The following CDIN1 variants were observed in gnomAD, a reference collection of about 807,000 sequenced individuals.
CDIN1 encodes the protein CDAN1 interacting nuclease 1, also known as CDAN1-interacting nuclease 1.
In CDIN1, 33 loss-of-function variants were observed where a neutral mutation model predicts 45.3. The observed-to-expected ratio is 0.73, with a 90% confidence interval of 0.55 to 0.97. The LOEUF (loss-of-function observed/expected upper bound fraction) is 0.97. CDIN1 is among the 50% of genes least tolerant of loss of function. CDIN1 has a pLI of 0.00. For synonymous variants in CDIN1, 118 were observed against 124.4 expected (o/e 0.95, Z 0.34); for missense variants, 303 against 339.4 (o/e 0.89, Z 0.84).
chr15:36,777,894 A>G (rs2054260323), intron 10 of CDIN1, among the ~76,000 whole-genome samples: 1 of 152,194 alleles, frequency 6.6e-6, no homozygotes, highest in African/African-American at 2.4e-5. Flanking sequence ...TATAGGCATG[A>G]TCCTGTGTAC....
Position 36,709,901 on chromosome 15 carries a change from T to C in CDIN1, c.656T>C (p.Phe219Ser). 1 of 1,613,396 alleles carries C rather than the reference T, an allele frequency of 6.2e-7. No individual in the cohort carries two copies. ...IIHWIESKAS[F>S]GDECSHHAYL... ...CACTGGATTGAAAGCAAAGCCTCAT[T>C]TGGTGATGAATGTAGCCACCACGCC... is the stretch of plus-strand genomic sequence containing the variant. The change falls in exon 10 of 11, where the codon TTT (phenylalanine) becomes TCT (serine). Residue 219 changes from phenylalanine to serine, a missense_variant. Transcript: ENST00000566621.
chr15:36,750,758 G>A (rs1039960622), intron 10 of CDIN1, among the ~76,000 whole-genome samples: 16 of 152,052 alleles, frequency 1.1e-4, no homozygotes, highest in African/African-American at 2.9e-4. Flanking sequence ...TGCCAGTTCC[G>A]AAACTTTTTA....
intron 1 of CDIN1, among the ~76,000 whole-genome samples, chr15:36,611,496 G>A (rs1013974090): frequency 4.6e-5 from 7 of 152,164 alleles, no homozygotes; most frequent in Non-Finnish European, 8.8e-5. Flanking sequence ...AATGAAGAAA[G>A]ACTGAGAAGG....
intron 10 of CDIN1, among the ~76,000 whole-genome samples, chr15:36,723,618 T>G (rs1840089): frequency 0.52 from 78,561 of 152,012 alleles, 20,826 homozygotes; most frequent in East Asian, 0.66. Context: ...CAGGCTAGAA[T>G]GAAGTGGGCA....
chr15:36,807,225 G>A (rs1418651844), intron 10 of CDIN1, among the ~76,000 whole-genome samples: 1 of 152,144 alleles, frequency 6.6e-6, no homozygotes, highest in Admixed American at 6.5e-5. Context: ...GTTTTGGCAA[G>A]TACACTACAG....
chr15:36,682,729 C>T (rs2140632924), intron 5 of CDIN1, among the ~76,000 whole-genome samples: 1 of 141,340 alleles, frequency 7.1e-6, no homozygotes, highest in East Asian at 2.1e-4. Flanking sequence ...GAGATCACAC[C>T]ACTGCACTCC....
intron 10 of CDIN1, among the ~76,000 whole-genome samples, chr15:36,782,301 G>A (rs1267550034): frequency 6.6e-6 from 1 of 152,030 alleles, no homozygotes; most frequent in Non-Finnish European, 1.5e-5. Flanking sequence ...CAAAAGGTGG[G>A]GGTTTATTCC....
At chr15:36,765,065 T>C (rs1182086395) in intron 10 of CDIN1, among the ~76,000 whole-genome samples, 2 of 149,170 alleles carry the variant, frequency 1.3e-5, no homozygotes, top group Admixed American at 6.7e-5. Flanking sequence ...TTCTTTCTTT[T>C]TTTTTTTTTA....
rs143984559 is a variant in CDIN1 at position 36,710,506 on chromosome 15, G to A, written c.716+545G>A. 3.7e-3 allele frequency among the ~76,000 whole-genome samples: 566 copies of A among 152,168 alleles called. 2 individuals are homozygous for A. Among genetic ancestry groups the A allele is most frequent in the African/African-American group, 0.013 (549 of 41,516 alleles). ...TTTACTGTTTATCTACCACATGTCCGGGAAGTTACTTTTGTCCCCATTTTA... is the reference window on the plus strand; with the variant it reads ...TTTACTGTTTATCTACCACATGTCCAGGAAGTTACTTTTGTCCCCATTTTA... On this transcript the variant is annotated intron_variant, in intron 10 of 10. Transcript: ENST00000566621.
chr15:36,666,485 C>T (rs550033200), intron 5 of CDIN1, among the ~76,000 whole-genome samples: 1 of 152,312 alleles, frequency 6.6e-6, no homozygotes, highest in South Asian at 2.1e-4. Context: ...TTGCCAGAGA[C>T]TGCAAGATTG....
At chr15:36,596,136 A>G (rs2037818121) in intron 1 of CDIN1, among the ~76,000 whole-genome samples, 1 of 152,116 alleles carries the variant, frequency 6.6e-6, no homozygotes, top group South Asian at 2.1e-4. Context: ...AATTGCTAAC[A>G]AAAAATATAT....
chr15:36,765,741 C>A (rs1343144856), intron 10 of CDIN1, among the ~76,000 whole-genome samples: 1 of 151,938 alleles, frequency 6.6e-6, no homozygotes, highest in Non-Finnish European at 1.5e-5. Context: ...AATTGATATA[C>A]CAAAAATTGT....
At chr15:36,680,344 A>G (rs1456831310) in intron 5 of CDIN1, among the ~76,000 whole-genome samples, 1 of 152,220 alleles carries the variant, frequency 6.6e-6, no homozygotes, top group Non-Finnish European at 1.5e-5. Context: ...CTCCAAAGAA[A>G]GTTAACAAAC....
intron 10 of CDIN1, among the ~76,000 whole-genome samples, chr15:36,710,318 TA>T (rs1199886772): frequency 6.6e-6 from 1 of 152,122 alleles, no homozygotes; most frequent in Non-Finnish European, 1.5e-5. Flanking sequence ...ACTCAGACCT[TA>T]AAATAATTTA....
chr15:36,648,454 C>T (rs1308422990), intron 3 of CDIN1, among the ~76,000 whole-genome samples: 7 of 56,876 alleles, frequency 1.2e-4, no homozygotes, highest in South Asian at 1.0e-3. Flanking sequence ...TTTTTTGAGA[C>T]GGAGTCTCCC....
chr15:36,644,131 G>T (rs1595410901), intron 1 of CDIN1, 147 bp from the exon 2 acceptor site: 1 of 704,062 alleles, frequency 1.4e-6, no homozygotes, highest in Non-Finnish European at 2.4e-6. Flanking sequence ...CTTTGTTTGA[G>T]GTGTTCATCT....
chr15:36,761,354 A>C (rs1483000362), intron 10 of CDIN1, among the ~76,000 whole-genome samples: 1 of 152,160 alleles, frequency 6.6e-6, no homozygotes, highest in East Asian at 1.9e-4. Context: ...CACAGACCTT[A>C]TTGGCTCTTC....
At chr15:36,714,776 ACT>A (rs1343695582) in intron 10 of CDIN1, among the ~76,000 whole-genome samples, 2 of 151,974 alleles carry the variant, frequency 1.3e-5, no homozygotes, top group Non-Finnish European at 2.9e-5. Context: ...AGAGTTGCAC[ACT>A]CTGGTTGTCT....
intron 3 of CDIN1, chr15:36,648,482 A>C (rs1417296651): frequency 8.7e-6 from 1 of 115,526 alleles, no homozygotes; most frequent in African/African-American, 3.4e-5. Flanking sequence ...CCCAGGCTGG[A>C]GTGCAGTGGT....
Sources: gnomAD v4.1 joint callset for allele counts (sites outside exome capture counted in the v4.1 genomes callset) on GRCh38, gnomAD v4.1.1 for gene constraint, MANE v1.5 for transcripts, NCBI Gene and HGNC (gene_info 2026-07-23, HGNC 2026-07-21) for gene names.